MCC: variants seen among roughly 807,000 people sequenced by gnomAD.
The protein encoded by MCC is MCC regulator of Wnt signaling pathway.
A neutral mutation model predicts 116.2 loss-of-function variants in MCC; 90 were observed. That is an observed-to-expected ratio of 0.77 (90% CI 0.65 to 0.92). MCC has a LOEUF of 0.92. Among genes scored for constraint, MCC ranks in the 40% least tolerant of loss-of-function variants. The pLI is 0.00. For missense variants in MCC, 1,516 were observed against 1,312.2 expected, an observed-to-expected ratio of 1.16 and a Z score of -2.40; for synonymous variants, 578 against 510.5, an observed-to-expected ratio of 1.13 and a Z score of -1.78.
chr5:113,102,765 T>C, intron 7 of MCC, among the ~76,000 whole-genome samples: 1 of 152,196 alleles, frequency 6.6e-6, no homozygotes, highest in East Asian at 1.9e-4. Context: ...CAGTGGATAA[T>C]GAAACAAGAG....
At chr5:113,275,970 GTT>G (rs34159294) in intron 3 of MCC, among the ~76,000 whole-genome samples, 11 of 130,500 alleles carry the variant, frequency 8.4e-5, no homozygotes, top group Non-Finnish European at 8.6e-5. Flanking sequence ...CACTTGTTTT[GTT>G]TTTTTTTTTT....
At chr5:113,275,625 T>A (rs567266311) in intron 3 of MCC, among the ~76,000 whole-genome samples, 2 of 152,294 alleles carry the variant, frequency 1.3e-5, no homozygotes, top group Non-Finnish European at 2.9e-5. Context: ...CCATGGATTC[T>A]ACCAACCATA....
At chr5:113,427,774 A>G (rs990542671) in intron 1 of MCC, among the ~76,000 whole-genome samples, 2 of 152,234 alleles carry the variant, frequency 1.3e-5, no homozygotes, top group African/African-American at 2.4e-5. Context: ...TCTCTGCAGG[A>G]ATATTGTTAT....
intron 3 of MCC, among the ~76,000 whole-genome samples, chr5:113,256,354 G>GA (rs1241390427): frequency 3.3e-5 from 5 of 152,180 alleles, no homozygotes; most frequent in African/African-American, 1.2e-4. Flanking sequence ...GGATATGCCA[G>GA]AAAAAAGAAA....
At chr5:113,075,519 G>A (rs866365131) in intron 11 of MCC, among the ~76,000 whole-genome samples, 1 of 152,232 alleles carries the variant, frequency 6.6e-6, no homozygotes, top group Admixed American at 6.5e-5. Context: ...TGGGGTCTTG[G>A]AGAACTTTTA....
intron 1 of MCC, among the ~76,000 whole-genome samples, chr5:113,409,231 G>T (rs1218905015): frequency 6.6e-6 from 1 of 152,076 alleles, no homozygotes; most frequent in Non-Finnish European, 1.5e-5. Flanking sequence ...AAGACATTTC[G>T]GGAAATGTAC....
chr5:113,053,981 G>A, intron 14 of MCC, 22 bp from the exon 15 acceptor site: 16 of 1,549,316 alleles, frequency 1.0e-5, no homozygotes, highest in Non-Finnish European at 1.2e-5. Context: ...GAAAAACAAA[G>A]ACCCACCACC....
chr5:113,054,513 G>T (rs551848652), intron 14 of MCC, among the ~76,000 whole-genome samples: 1 of 152,250 alleles, frequency 6.6e-6, no homozygotes, highest in African/African-American at 2.4e-5. Flanking sequence ...TCACACCCTC[G>T]CACGTGTACG....
chr5:113,408,122 C>G (rs576894469), intron 1 of MCC, among the ~76,000 whole-genome samples: 1 of 152,290 alleles, frequency 6.6e-6, no homozygotes, highest in East Asian at 1.9e-4. Context: ...AGATATCTTT[C>G]ATACAACCTG....
intron 2 of MCC, among the ~76,000 whole-genome samples, chr5:113,378,539 G>A (rs563069954): frequency 1.7e-4 from 26 of 152,236 alleles, no homozygotes; most frequent in Admixed American, 1.4e-3. Flanking sequence ...TTACAACTAC[G>A]GAATTTGATT....
At chr5:113,132,451 C>CATATATATATATAT in intron 5 of MCC, among the ~76,000 whole-genome samples, 1 of 124,452 alleles carries the variant, frequency 8.0e-6, no homozygotes, top group South Asian at 2.5e-4. Context: ...TATACACACA[C>CATATATATATATAT]ACACACACAC....
chr5:113,275,559 G>A (rs1410289922), intron 3 of MCC, among the ~76,000 whole-genome samples: 1 of 152,142 alleles, frequency 6.6e-6, no homozygotes, highest in African/African-American at 2.4e-5. Context: ...CACAGACTTT[G>A]CAAAACAGAT....
intron 14 of MCC, among the ~76,000 whole-genome samples, chr5:113,062,508 T>A (rs1412485265): frequency 6.6e-6 from 1 of 152,188 alleles, no homozygotes; most frequent in African/African-American, 2.4e-5. Context: ...ACATTTCCTG[T>A]CAAGCAAACT....
At chr5:113,255,039 C>A (rs1356643066) in intron 3 of MCC, among the ~76,000 whole-genome samples, 1 of 152,162 alleles carries the variant, frequency 6.6e-6, no homozygotes, top group African/African-American at 2.4e-5. Context: ...GTGGCAGATG[C>A]CTGTAATCCC....
chr5:113,463,423 G>A (rs577452266), intron 1 of MCC, among the ~76,000 whole-genome samples: 63 of 152,302 alleles, frequency 4.1e-4, no homozygotes, highest in African/African-American at 1.5e-3. Flanking sequence ...TCATAAGGGA[G>A]ATGGAAAGAA....
chr5:113,475,428 G>A (rs536803623), intron 1 of MCC, among the ~76,000 whole-genome samples: 29 of 152,076 alleles, frequency 1.9e-4, no homozygotes, highest in Non-Finnish European at 3.8e-4. Context: ...AAAAGTAATA[G>A]GTCCAAAGAG....
chr5:113,168,135 T>A (rs1760873286), intron 3 of MCC, among the ~76,000 whole-genome samples: 1 of 152,158 alleles, frequency 6.6e-6, no homozygotes, highest in Admixed American at 6.5e-5. Flanking sequence ...AGCAACAAAG[T>A]TATGCTGGAT....
rs778137782 is a variant in MCC at position 113,053,757 on chromosome 5, C to T, written c.2416G>A (p.Ala806Thr). 12 of 1,613,092 alleles carry T rather than the reference C, an allele frequency of 7.4e-6. No homozygotes were observed. The highest frequency in any genetic ancestry group is 5.0e-5 in the Admixed American group (3 of 59,996). ...GCCATGAGCTCCTGCATAAGCACTG[C>T]GTTTTCCAGATCCAGCCTCTGGCTG... ...GDSQRLDLEN[A>T]VLMQELMAMK... Residue 806 changes from alanine (A) to threonine (T), a missense_variant, in exon 15 of 19, where the codon GCA becomes ACA. By Grantham distance (58) the Ala-to-Thr change is moderately conservative. Transcript: ENST00000408903.
intron 3 of MCC, among the ~76,000 whole-genome samples, chr5:113,260,102 C>T (rs1034809111): frequency 2.6e-5 from 4 of 151,802 alleles, no homozygotes; most frequent in African/African-American, 4.8e-5. Flanking sequence ...ACTCCTTAAA[C>T]GCAGAAGTTC....
Sources: allele counts gnomAD v4.1 joint callset (sites outside exome capture counted in the v4.1 genomes callset), GRCh38; gene constraint gnomAD v4.1.1; transcripts MANE v1.5; gene names NCBI Gene and HGNC (gene_info 2026-07-23, HGNC 2026-07-21).